Variants in GGNBP2 observed in about 807,000 individuals in gnomAD.
The protein encoded by GGNBP2 is gametogenetin-binding protein 2.
In GGNBP2, 10 loss-of-function variants were observed where a neutral mutation model predicts 85.9. That is an observed-to-expected ratio of 0.12 (90% confidence interval 0.07 to 0.20). The LOEUF is 0.20. Ranked by LOEUF, GGNBP2 falls within the 10% of genes least tolerant of loss-of-function variation. GGNBP2 has a pLI of 1.00. For missense variants in GGNBP2, 595 were observed against 857.8 expected (o/e 0.69, Z 3.83); for synonymous variants, 287 against 285.7 (o/e 1.00, Z -0.05).
intron 2 of GGNBP2, among the ~76,000 whole-genome samples, chr17:36,552,509 G>C (rs2074319545): frequency 6.7e-6 from 1 of 149,492 alleles, no homozygotes; most frequent in African/African-American, 2.4e-5. Context: ...GCTTTGTGCT[G>C]TTGATAAAGT....
At chr17:36,552,256 G>C (rs1443181683) in intron 2 of GGNBP2, among the ~76,000 whole-genome samples, 1 of 152,096 alleles carries the variant, frequency 6.6e-6, no homozygotes, top group Non-Finnish European at 1.5e-5. Flanking sequence ...TAAACCTTTT[G>C]ATGATTCCAG....
At chr17:36,558,536 A>T (rs1045154819) in intron 4 of GGNBP2, among the ~76,000 whole-genome samples, 1 of 149,516 alleles carries the variant, frequency 6.7e-6, no homozygotes, top group African/African-American at 2.5e-5. Context: ...GCTCACTGCA[A>T]CCACTGCCTC....
At chr17:36,556,267 G>A (rs527766768) in intron 3 of GGNBP2, among the ~76,000 whole-genome samples, 1 of 152,306 alleles carries the variant, frequency 6.6e-6, no homozygotes, top group South Asian at 2.1e-4. Context: ...GATAGGCCAT[G>A]TTTTCTCCCA....
chr17:36,546,068 T>C (rs895654267), intron 2 of GGNBP2: 6 of 475,950 alleles, frequency 1.3e-5, no homozygotes, highest in Admixed American at 3.6e-5. Context: ...CCTTATTCCT[T>C]GACCCTTTCC....
chr17:36,556,866 T>C (rs1421369941), intron 3 of GGNBP2, among the ~76,000 whole-genome samples: 2 of 150,496 alleles, frequency 1.3e-5, no homozygotes, highest in African/African-American at 2.4e-5. Context: ...CAGAGTTGTT[T>C]ATATACCCTA....
At chr17:36,556,936 C>G in intron 3 of GGNBP2, 147 bp from the exon 4 acceptor site, 1 of 826,394 alleles carries the variant, frequency 1.2e-6, no homozygotes, top group Non-Finnish European at 1.9e-6. Context: ...AAGCTGACTA[C>G]TTTGCCTTTC....
chr17:36,585,918 G>A lies in GGNBP2; in HGVS notation c.1445G>A (p.Gly482Asp). The change falls in exon 11 of 14, where the codon GGT becomes GAT. Residue 482 changes from glycine to aspartate, a missense_variant. Coordinates refer to ENST00000613102, the MANE Select transcript of GGNBP2 (RefSeq NM_024835.5). ...MEGSETGSRE[G>D]SDVACTEGIC... ...GGGAGTGAAACAGGTTCTCGGGAGG[G>A]TTCGGATGTTGCCTGCACTGAAGGC... is the stretch of plus-strand genomic sequence containing the variant. 1 of 1,614,142 alleles carries A rather than the reference G, an allele frequency of 6.2e-7. No individual in the cohort carries two copies. Among genetic ancestry groups the A allele is most frequent in the Non-Finnish European group, 8.5e-7 (1 of 1,180,006 alleles).
intron 2 of GGNBP2, chr17:36,547,479 T>C (rs1486201011): frequency 2.0e-5 from 3 of 152,158 alleles, no homozygotes; most frequent in Non-Finnish European, 4.4e-5. Flanking sequence ...AAGACACTAG[T>C]TCTTGGTATA....
intron 6 of GGNBP2, among the ~76,000 whole-genome samples, chr17:36,575,983 T>G (rs1599537916): frequency 6.6e-6 from 1 of 150,886 alleles, no homozygotes; most frequent in South Asian, 2.1e-4. Context: ...TATCTACTAT[T>G]GGTCCAGCAA....
At chr17:36,570,062 T>C (rs956735955) in intron 6 of GGNBP2, among the ~76,000 whole-genome samples, 1 of 152,190 alleles carries the variant, frequency 6.6e-6, no homozygotes, top group African/African-American at 2.4e-5. Flanking sequence ...TGACTTTCTG[T>C]GCCTCAATTT....
chr17:36,576,545 C>A, intron 6 of GGNBP2: 1 of 68,784 alleles, frequency 1.5e-5, no homozygotes, highest in Non-Finnish European at 2.4e-5. Flanking sequence ...CAGAGAGAGA[C>A]TCTGTCTCAA....
chr17:36,585,503 T>A, intron 10 of GGNBP2, 53 bp downstream of exon 10: 6 of 1,250,094 alleles, frequency 4.8e-6, no homozygotes, highest in Non-Finnish European at 6.8e-6. Context: ...TCTTTCTTAC[T>A]GTTAAATGTA....
chr17:36,578,019 A>G lies in GGNBP2; in HGVS notation c.678A>G (p.Ala226=), dbSNP rs1466025302. The change falls in exon 7 of 14, where the codon GCA becomes GCG. Residue 226 remains alanine (A), a synonymous_variant. Coordinates refer to ENST00000613102, the MANE Select transcript of GGNBP2 (RefSeq NM_024835.5). ...CTDCKNKVLR[A]YNILIGELDC... is the part of the protein sequence containing the mutation. Reference sequence around the variant, plus strand: ...ATTGCAAAAATAAAGTCCTCCGAGCATACAATATCCTTATTGGTGAACTTG... The same window carrying G: ...ATTGCAAAAATAAAGTCCTCCGAGCGTACAATATCCTTATTGGTGAACTTG... The G allele has an allele frequency of 3.1e-6, 5 of 1,614,222 alleles. No individual in the cohort carries two copies. The Admixed American group carries it at 5.0e-5, about 16-fold the overall frequency.
chr17:36,566,076 A>C (rs1187831997), intron 5 of GGNBP2, among the ~76,000 whole-genome samples: 1 of 152,214 alleles, frequency 6.6e-6, no homozygotes, highest in Non-Finnish European at 1.5e-5. Context: ...ATACCCATTT[A>C]GCTACATAGA....
At chr17:36,579,496 G>A in intron 8 of GGNBP2, 77 bp downstream of exon 8, 1 of 1,230,280 alleles carries the variant, frequency 8.1e-7, no homozygotes, top group East Asian at 2.3e-5. Flanking sequence ...TAAGCCACCA[G>A]TGCCTAAAAG....
intron 5 of GGNBP2, among the ~76,000 whole-genome samples, chr17:36,567,294 G>A (rs569189387): frequency 2.0e-5 from 3 of 152,184 alleles, no homozygotes; most frequent in East Asian, 1.9e-4. Context: ...TTAAATGAAC[G>A]TTATATTAAT....
chr17:36,557,711 T>TA (rs2074376630), intron 4 of GGNBP2, among the ~76,000 whole-genome samples: 1 of 152,072 alleles, frequency 6.6e-6, no homozygotes, highest in African/African-American at 2.4e-5. Flanking sequence ...GGACAGCTAG[T>TA]GTAAAGGTTC....
At chr17:36,580,908 G>A (rs184144413) in intron 8 of GGNBP2, among the ~76,000 whole-genome samples, 1 of 150,526 alleles carries the variant, frequency 6.6e-6, no homozygotes, top group Non-Finnish European at 1.5e-5. Context: ...GATGGAGCAA[G>A]ACTCTGTCTC....
At chr17:36,546,312 C>T in intron 2 of GGNBP2, 1 of 217,946 alleles carries the variant, frequency 4.6e-6, no homozygotes, top group Non-Finnish European at 9.0e-6. Context: ...GTCAAGATTC[C>T]ACTAAAATGG....
Sources: allele counts gnomAD v4.1 joint callset (sites outside exome capture counted in the v4.1 genomes callset), GRCh38; gene constraint gnomAD v4.1.1; transcripts MANE v1.5; gene names NCBI Gene and HGNC (gene_info 2026-07-23, HGNC 2026-07-21).